Variants in RCE1 observed in about 807,000 individuals in gnomAD.
RCE1 encodes CAAX prenyl protease 2.
A neutral mutation model predicts 35.0 loss-of-function variants in RCE1; 15 were observed. That is an observed-to-expected ratio of 0.43 (90% CI 0.29 to 0.66). RCE1 has a LOEUF of 0.66. RCE1 is among the 30% of genes least tolerant of loss of function. The pLI is 0.17. For synonymous variants in RCE1, 261 were observed against 192.7 expected (o/e 1.35, Z -2.94); for missense variants, 434 against 433.0 (o/e 1.00, Z -0.02).
At position 66,846,524 on chromosome 11, in the gene RCE1, T is replaced by C. The variant is rs1945213861; in HGVS notation, c.*429T>C. On this transcript the variant is annotated 3_prime_UTR_variant, in exon 8 of 8. Transcript: ENST00000309657. ...GGATATTAAAGAGATTTAACTTGGG[T>C]AACATGGCCTTGGGCCTTTGGGAAT... 1.3e-5 allele frequency: 2 copies of C among 157,884 alleles called. No individual in the cohort carries two copies. Among genetic ancestry groups the C allele is most frequent in the South Asian group, 3.4e-4 (2 of 5,928 alleles). The allele number at this position is 157,884 out of a possible 1,614,324, so 9.8% of individuals were successfully genotyped here.
rs374365634 is a variant in RCE1, at chr11:66,845,162, C to T, written c.620-4C>T. On this transcript the variant is annotated splice_polypyrimidine_tract_variant and splice_region_variant and intron_variant, in intron 5 of 7. Transcript: ENST00000309657. ...CTGTGATGTGATTGTCACCTTTTTCCCAGCCCATTTTCACCATATTATTGA... is the reference window on the plus strand; with the variant it reads ...CTGTGATGTGATTGTCACCTTTTTCTCAGCCCATTTTCACCATATTATTGA... 19 of 1,614,072 alleles carry T rather than the reference C, an allele frequency of 1.2e-5. No homozygotes were observed. The highest frequency in any genetic ancestry group is 1.6e-4 in the Middle Eastern group (1 of 6,082).
Position 66,844,875 on chromosome 11 carries a change from G to T in RCE1, c.458G>T (p.Arg153Leu), listed in dbSNP as rs757067541. 1 of 1,534,120 alleles carries T rather than the reference G, an allele frequency of 6.5e-7. No individual in the cohort carries two copies. The highest frequency in any genetic ancestry group is 1.3e-5 in the South Asian group (1 of 77,468). ...TCCTGAATTCCCTCTGCAGCCCCCC[G>T]CTCCTGGGCCCGCTGCCTCACAGAC... ...ADGLKVVLAPRSWARCLTDMR... is the reference protein window; with the variant it reads ...ADGLKVVLAPLSWARCLTDMR... The change falls in exon 5 of 8, where the codon CGC becomes CTC. Residue 153 changes from arginine (R) to leucine (L), a missense_variant. Arg to Leu is a moderately radical substitution (Grantham distance 102). Transcript: ENST00000309657.
Position 66,845,916 on chromosome 11 carries a change from G to A in RCE1, c.811G>A (p.Ala271Thr). 1 of 1,613,780 alleles carries A rather than the reference G, an allele frequency of 6.2e-7. No individual in the cohort carries two copies. The highest frequency in any genetic ancestry group is 1.1e-5 in the South Asian group (1 of 91,088). ...CTTCTGCAATTACATGGGTTTCCCA[G>A]CTGTTTGCGCGGCCTTGGAGCACCC... ...HSFCNYMGFP[A>T]VCAALEHPQR... Residue 271 changes from alanine (A) to threonine (T), a missense_variant, in exon 8 of 8, where the codon GCT (alanine) becomes ACT (threonine). Ala to Thr is a moderately conservative substitution (Grantham distance 58, BLOSUM62 0). Transcript: ENST00000309657.
Position 66,846,453 on chromosome 11 carries a change from C to G in RCE1, c.*358C>G. ...CCTCTCCCCACCCCCCACCCCCCAACTTCCTGGGTTTTCTCATTGTCTTTT... is the reference window on the plus strand; with the variant it reads ...CCTCTCCCCACCCCCCACCCCCCAAGTTCCTGGGTTTTCTCATTGTCTTTT... On this transcript the variant is annotated 3_prime_UTR_variant, in exon 8 of 8. Transcript: ENST00000309657. The G allele has an allele frequency of 5.9e-6, 1 of 169,700 alleles. No individual in the cohort carries two copies. Among genetic ancestry groups the G allele is most frequent in the East Asian group, 1.9e-4 (1 of 5,368 alleles). 10.5% of individuals were successfully genotyped at this position (169,700 alleles called of 1,614,324 possible).
chr11:66,843,963 C>A lies in RCE1; in HGVS notation c.296C>A (p.Thr99Lys). The change falls in exon 3 of 8, where the codon ACA becomes AAA. Residue 99 changes from threonine (T) to lysine (K), a missense_variant. By Grantham distance (78) the Thr-to-Lys change is moderately conservative (BLOSUM62 -1). Coordinates refer to ENST00000309657, the MANE Select transcript of RCE1 (RefSeq NM_005133.3). The stretch of plus-strand genomic sequence containing the variant: ...CCCTTTCCTGTGGCTCAGCCAGGCA[C>A]ATCCCTGCTCACCCTGATGGGCTTC... ...WRELTGIQPGTSLLTLMGFRL... is the reference protein window; with the variant it reads ...WRELTGIQPGKSLLTLMGFRL... The A allele has an allele frequency of 6.2e-7, 1 of 1,614,170 alleles. No individual in the cohort carries two copies. Among genetic ancestry groups the A allele is most frequent in the East Asian group, 2.2e-5 (1 of 44,882 alleles).
chr11:66,843,480 C>T lies in RCE1; in HGVS notation c.25C>T (p.Leu9=), dbSNP rs1399514531. Residue 9 remains leucine (L), a synonymous_variant, in exon 1 of 8, where the codon CTG becomes TTG. Coordinates refer to ENST00000309657, the MANE Select transcript of RCE1 (RefSeq NM_005133.3). Reference sequence around the variant, plus strand: ...AATGGCGGCGCTGGGCGGGGATGGGCTGCGACTGCTGTCGGTGTCGCGGCC... The same window carrying T: ...AATGGCGGCGCTGGGCGGGGATGGGTTGCGACTGCTGTCGGTGTCGCGGCC... MAALGGDG[L]RLLSVSRPER... 3.4e-6 allele frequency: 5 copies of T among 1,466,790 alleles called. No homozygotes were observed. Among genetic ancestry groups the T allele is most frequent in the East Asian group, 2.8e-5 (1 of 35,618 alleles). The allele number at this position is 1,466,790 out of a possible 1,614,324, so 90.9% of individuals were successfully genotyped here.
intron 3 of RCE1, 44 bp from the exon 4 acceptor site, chr11:66,844,242 G>A: frequency 6.2e-7 from 1 of 1,613,764 alleles, no homozygotes; most frequent in Non-Finnish European, 8.5e-7. Context: ...CAAAGGTCTG[G>A]GCAAAAGCGG....
intron 7 of RCE1, 146 bp from the exon 8 acceptor site, chr11:66,845,714 G>T: frequency 6.8e-7 from 1 of 1,467,742 alleles, no homozygotes; most frequent in Non-Finnish European, 9.3e-7. Flanking sequence ...CTGAGAGGTG[G>T]AAAGGAGCAG....
rs137972745 is a variant in RCE1 at position 66,843,793 on chromosome 11, A to G, written c.220A>G (p.Ser74Gly). ...HPAVIKRRFT[S>G]VLVVSSLSPL... Reference sequence around the variant, plus strand: ...CGCGGTCATCAAGCGACGCTTCACCAGCGTCCTGGTGGTGTCCAGTCTCTC... The same window carrying G: ...CGCGGTCATCAAGCGACGCTTCACCGGCGTCCTGGTGGTGTCCAGTCTCTC... The change falls in exon 2 of 8, where the codon AGC (serine) becomes GGC (glycine). Residue 74 changes from serine to glycine, a missense_variant. By Grantham distance (56) the Ser-to-Gly change is moderately conservative. Coordinates refer to ENST00000309657, the MANE Select transcript of RCE1 (RefSeq NM_005133.3). The G allele has an allele frequency of 9.9e-6, 16 of 1,613,862 alleles. No individual in the cohort carries two copies. Among genetic ancestry groups the G allele is most frequent in the African/African-American group, 1.3e-5 (1 of 74,930 alleles).
At position 66,843,660 on chromosome 11, in the gene RCE1, C is replaced by G; in HGVS notation, c.185+20C>G. 1 of 1,602,898 alleles carries G rather than the reference C, an allele frequency of 6.2e-7. No homozygotes were observed. Among genetic ancestry groups the G allele is most frequent in the South Asian group, 1.1e-5 (1 of 90,310 alleles). Reference sequence around the variant, plus strand: ...GCCCAGGTGCGGGGGCTGCGCGCGACCGGAATCCGCGCCCTGCGGGCGGAG... The same window carrying G: ...GCCCAGGTGCGGGGGCTGCGCGCGAGCGGAATCCGCGCCCTGCGGGCGGAG... On this transcript the variant is annotated intron_variant, in intron 1 of 7. Coordinates refer to ENST00000309657, the MANE Select transcript of RCE1 (RefSeq NM_005133.3).
Position 66,843,830 on chromosome 11 carries a change from T to A in RCE1, c.257T>A (p.Val86Glu), listed in dbSNP as rs1945143899. The change falls in exon 2 of 8, where the codon GTG becomes GAG. Residue 86 changes from valine to glutamate, a missense_variant. Val to Glu is a moderately radical substitution (Grantham distance 121). Transcript: ENST00000309657. Reference sequence around the variant, plus strand: ...GTGTCCAGTCTCTCACCCCTGTGCGTGCTGCTCTGGAGGGAACTCACAGGC... The same window carrying A: ...GTGTCCAGTCTCTCACCCCTGTGCGAGCTGCTCTGGAGGGAACTCACAGGC... ...LVVSSLSPLCVLLWRELTGIQ... is the reference protein window; with the variant it reads ...LVVSSLSPLCELLWRELTGIQ... 1.9e-6 allele frequency: 3 copies of A among 1,613,950 alleles called. No individual in the cohort carries two copies. The highest frequency in any genetic ancestry group is 1.3e-5 in the African/African-American group (1 of 74,932).
Position 66,844,806 on chromosome 11 carries a change from G to A in RCE1, c.452-63G>A. On this transcript the variant is annotated intron_variant, in intron 4 of 7. Coordinates refer to ENST00000309657, the MANE Select transcript of RCE1 (RefSeq NM_005133.3). Reference sequence around the variant, plus strand: ...AAGTTGTGGGAGAGGAGCCCTTGGAGCCTCTGGGGTCTCACTGTCTGACAG... The same window carrying A: ...AAGTTGTGGGAGAGGAGCCCTTGGAACCTCTGGGGTCTCACTGTCTGACAG... 5.4e-6 allele frequency: 8 copies of A among 1,484,074 alleles called. No individual in the cohort carries two copies. In the South Asian group the frequency reaches 8.6e-5, roughly 16 times the overall value. The allele number at this position is 1,484,074 out of a possible 1,614,324, so 91.9% of individuals were successfully genotyped here.
intron 3 of RCE1, 92 bp from the exon 4 acceptor site, chr11:66,844,194 G>A (rs891527134): frequency 3.8e-6 from 6 of 1,596,120 alleles, no homozygotes; most frequent in Non-Finnish European, 5.2e-6. Context: ...AATCGTGGCT[G>A]GAGAGGATTT....
intron 4 of RCE1, 94 bp from the exon 5 acceptor site, chr11:66,844,775 A>G: frequency 2.1e-6 from 3 of 1,437,614 alleles, no homozygotes; most frequent in South Asian, 3.1e-5. Flanking sequence ...GAGTTTGGCC[A>G]GGGTAAAGTT....
intron 4 of RCE1, 92 bp downstream of exon 4, chr11:66,844,456 G>A: frequency 6.7e-7 from 1 of 1,486,496 alleles, no homozygotes; most frequent in East Asian, 2.3e-5. Context: ...ATCTGGACAC[G>A]TGAAATGTCA....
rs370790114 is a variant in RCE1 at position 66,846,007 on chromosome 11, C to T, written c.902C>T (p.Pro301Leu). The change falls in exon 8 of 8, where the codon CCC (proline) becomes CTC (leucine). Residue 301 changes from proline to leucine, a missense_variant. Transcript: ENST00000309657. ...GVGLFLLLLQ[P>L]LTDPKLYGSL... is the part of the protein sequence containing the mutation. ...GGACTCTTCCTGCTTCTGCTCCAGC[C>T]CCTCACGGACCCCAAGCTCTACGGC... 1.2e-6 allele frequency: 2 copies of T among 1,613,820 alleles called. No individual in the cohort carries two copies. The highest frequency in any genetic ancestry group is 1.7e-6 in the Non-Finnish European group (2 of 1,180,040).
Position 66,845,994 on chromosome 11 carries a change from C to G in RCE1, c.889C>G (p.Leu297Val). The change falls in exon 8 of 8, where the codon CTT becomes GTT. Residue 297 changes from leucine to valine, a missense_variant. Physicochemically the swap from Leu to Val is conservative, Grantham distance 32. Transcript: ENST00000309657. ...TGCCCTGGGTGTGGGACTCTTCCTG[C>G]TTCTGCTCCAGCCCCTCACGGACCC... is the stretch of plus-strand genomic sequence containing the variant. ...GYALGVGLFL[L>V]LLQPLTDPKL... is the part of the protein sequence containing the mutation. 1 of 1,613,928 alleles carries G rather than the reference C, an allele frequency of 6.2e-7. No individual in the cohort carries two copies. Among genetic ancestry groups the G allele is most frequent in the Non-Finnish European group, 8.5e-7 (1 of 1,180,042 alleles).
chr11:66,843,706 G>C (rs145986460), intron 1 of RCE1, 53 bp from the exon 2 acceptor site: 28,130 of 1,605,756 alleles, frequency 0.018, 303 homozygotes, highest in Middle Eastern at 0.022. Flanking sequence ...CCGGGGGCGG[G>C]TCCGTGCTCA....
chr11:66,844,580 G>A (rs1945167261), intron 4 of RCE1: 2 of 744,404 alleles, frequency 2.7e-6, no homozygotes, highest in South Asian at 1.9e-5. Flanking sequence ...AGTATTTGGT[G>A]TGGATCAGAG....
Sources: gnomAD v4.1 joint callset for allele counts on GRCh38, gnomAD v4.1.1 for gene constraint, MANE v1.5 for transcripts, NCBI Gene and HGNC (gene_info 2026-07-23, HGNC 2026-07-21) for gene names.